APOL3: variants seen among roughly 807,000 people sequenced by gnomAD.
APOL3 encodes TNF-inducible protein CG12-1.
APOL3 carries 14 observed loss-of-function variants against 11.6 expected under a neutral mutation model. The observed-to-expected ratio is 1.21, with a 90% CI of 0.80 to 1.89. APOL3 has a LOEUF of 1.89. Ranked by LOEUF, APOL3 falls within the 40% of genes most tolerant of loss-of-function variation. The pLI, the probability that APOL3 is intolerant of heterozygous loss-of-function variation, is 0.00. For missense variants in APOL3, 483 were observed against 492.1 expected (o/e 0.98, Z 0.17); for synonymous variants, 192 against 190.6 (o/e 1.01, Z -0.06).
exon 3 of APOL3, chr22:36,141,636 G>T: frequency 3.1e-6 from 5 of 1,614,196 alleles, no homozygotes; most frequent in Non-Finnish European, 4.2e-6. Flanking sequence ...GTCAATGCTG[G>T]TTGCAGTCAG....
At chr22:36,155,996 C>G (rs999880228) in intron 1 of APOL3, 1 of 289,260 alleles carries the variant, frequency 3.5e-6, no homozygotes, top group Non-Finnish European at 6.9e-6. Flanking sequence ...GACAGAGACT[C>G]TCAGCAAAGC....
At chr22:36,153,359 T>C (rs1256362278) in intron 1 of APOL3, 4 of 456,076 alleles carry the variant, frequency 8.8e-6, no homozygotes, top group Admixed American at 4.7e-5. Context: ...CAAAGAGAAA[T>C]ACACCTGCCT....
At chr22:36,160,087 T>C (rs1239136102) in intron 1 of APOL3, among the ~76,000 whole-genome samples, 1 of 152,132 alleles carries the variant, frequency 6.6e-6, no homozygotes, top group East Asian at 1.9e-4. Context: ...TTCTCCATAT[T>C]GGCCAGGCAG....
At chr22:36,151,835 C>T (rs1045420390) in intron 1 of APOL3, among the ~76,000 whole-genome samples, 4 of 152,100 alleles carry the variant, frequency 2.6e-5, no homozygotes, top group Non-Finnish European at 5.9e-5. Flanking sequence ...TGCCTCTAGT[C>T]CCAACTACTC....
chr22:36,161,965 C>T (rs1271283466), upstream of APOL3, among the ~76,000 whole-genome samples: 2 of 152,172 alleles, frequency 1.3e-5, no homozygotes, highest in Non-Finnish European at 2.9e-5. Flanking sequence ...CAGATAACTT[C>T]AAGGAGCCCA....
At chr22:36,158,163 A>G (rs560694091) in intron 1 of APOL3, among the ~76,000 whole-genome samples, 2 of 152,236 alleles carry the variant, frequency 1.3e-5, no homozygotes, top group East Asian at 1.9e-4. Flanking sequence ...TTTGAACCAT[A>G]TATGTAAGTG....
At chr22:36,148,340 T>G (rs1435769344) in intron 1 of APOL3, among the ~76,000 whole-genome samples, 1 of 152,034 alleles carries the variant, frequency 6.6e-6, no homozygotes, top group Admixed American at 6.6e-5. Context: ...GAATCAACAG[T>G]GGCAGGTAAA....
chr22:36,144,666 A>G (rs2146754916), intron 2 of APOL3, among the ~76,000 whole-genome samples: 1 of 152,300 alleles, frequency 6.6e-6, no homozygotes, highest in East Asian at 1.9e-4. Context: ...GATCAGGTCA[A>G]GATTTTTCTG....
chr22:36,153,692 C>T (rs1331644083), intron 1 of APOL3, among the ~76,000 whole-genome samples: 3 of 152,170 alleles, frequency 2.0e-5, no homozygotes, highest in East Asian at 3.9e-4. Context: ...CAGTCCCAAC[C>T]GCTGTGAACC....
intron 1 of APOL3, chr22:36,153,306 G>A: frequency 6.8e-6 from 3 of 443,570 alleles, no homozygotes; most frequent in South Asian, 3.1e-5. Flanking sequence ...TTTGGATTGT[G>A]GTGCCACCAC....
At chr22:36,149,819 A>C (rs920144161) in intron 1 of APOL3, 8 of 456,028 alleles carry the variant, frequency 1.8e-5, no homozygotes, top group Non-Finnish European at 2.6e-5. Flanking sequence ...CTTGCACTCT[A>C]TGCCCAAGTG....
At chr22:36,165,475 CAG>C (rs1487821054), upstream of APOL3, 3 of 152,144 alleles carry the variant, frequency 2.0e-5, no homozygotes, top group East Asian at 1.9e-4. Context: ...TAATGGAAAA[CAG>C]AGTTTCAGGA....
At chr22:36,162,736 G>A (rs2013765398), upstream of APOL3, among the ~76,000 whole-genome samples, 1 of 152,160 alleles carries the variant, frequency 6.6e-6, no homozygotes, top group African/African-American at 2.4e-5. Context: ...TGAGATTACT[G>A]GTCCAGAACT....
intron 1 of APOL3, among the ~76,000 whole-genome samples, chr22:36,154,256 G>A (rs1395437851): frequency 2.6e-5 from 4 of 152,192 alleles, no homozygotes; most frequent in African/African-American, 9.7e-5. Context: ...AAATGAGGGG[G>A]AGGCTTAGAA....
intron 1 of APOL3, among the ~76,000 whole-genome samples, chr22:36,160,320 G>T (rs1283982288): frequency 6.6e-6 from 1 of 152,158 alleles, no homozygotes; most frequent in Non-Finnish European, 1.5e-5. Context: ...CACCTTCTCT[G>T]GTTCCTCCAA....
exon 3 of APOL3, chr22:36,141,110 C>T: frequency 6.5e-7 from 1 of 1,528,538 alleles, no homozygotes; most frequent in Non-Finnish European, 8.8e-7. Flanking sequence ...TAAACTTTAC[C>T]TTGCCCTCTT....
chr22:36,149,210 G>T, intron 1 of APOL3, 68 bp from the exon 2 acceptor site: 1 of 1,315,468 alleles, frequency 7.6e-7, no homozygotes, highest in Non-Finnish European at 1.0e-6. Flanking sequence ...AGGTTGGAGG[G>T]GCTGGATCTC....
exon 3 of APOL3, chr22:36,141,372 C>G (rs376336032): frequency 2.5e-6 from 4 of 1,614,056 alleles, no homozygotes; most frequent in Non-Finnish European, 3.4e-6. Flanking sequence ...AAGGAAGATG[C>G]CTGAAGTGGT....
At chr22:36,146,887 T>C (rs1392690714) in intron 1 of APOL3, among the ~76,000 whole-genome samples, 1 of 152,198 alleles carries the variant, frequency 6.6e-6, no homozygotes. Context: ...ATTATGGAAC[T>C]GCAGAGAAGG....
Sources: allele counts gnomAD v4.1 joint callset (sites outside exome capture counted in the v4.1 genomes callset), GRCh38; gene constraint gnomAD v4.1.1; transcripts MANE v1.5; gene names NCBI Gene and HGNC (gene_info 2026-07-23, HGNC 2026-07-21).